Variants in DOCK4 observed in about 807,000 individuals in gnomAD.
DOCK4 encodes the protein dedicator of cytokinesis protein 4.
In DOCK4, 97 loss-of-function variants were observed where a neutral mutation model predicts 268.1. The ratio of observed to expected loss-of-function variants is 0.36; its 90% CI spans 0.31 to 0.43. The LOEUF (loss-of-function observed/expected upper bound fraction) is 0.43. DOCK4 is among the 20% of genes least tolerant of loss of function. The pLI is 1.00. For synonymous variants in DOCK4, 954 were observed against 887.2 expected, an observed-to-expected ratio of 1.08 and a Z score of -1.34; for missense variants, 2,145 against 2,455.7, an observed-to-expected ratio of 0.87 and a Z score of 2.67.
intron 1 of DOCK4, among the ~76,000 whole-genome samples, chr7:112,024,661 C>T (rs1488362771): frequency 6.6e-6 from 1 of 152,140 alleles, no homozygotes; most frequent in African/African-American, 2.4e-5. Flanking sequence ...TAAAGCTCTT[C>T]CTGCTTCAGA....
intron 8 of DOCK4, among the ~76,000 whole-genome samples, chr7:111,956,131 A>G (rs1292222678): frequency 6.6e-6 from 1 of 152,186 alleles, no homozygotes; most frequent in Non-Finnish European, 1.5e-5. Context: ...TGATCATTGT[A>G]AACACTGTAT....
At chr7:111,742,885 G>A (rs888214789) in intron 44 of DOCK4, among the ~76,000 whole-genome samples, 15 of 151,940 alleles carry the variant, frequency 9.9e-5, no homozygotes, top group Admixed American at 9.8e-4. Flanking sequence ...CCAACTACTC[G>A]AGTGGCTGAG....
At chr7:111,910,523 A>G (rs1315072331) in intron 13 of DOCK4, among the ~76,000 whole-genome samples, 1 of 152,250 alleles carries the variant, frequency 6.6e-6, no homozygotes, top group Non-Finnish European at 1.5e-5. Flanking sequence ...AGTTTTTCAT[A>G]TGGATCTCCT....
At chr7:112,084,781 T>G (rs1051540790) in intron 1 of DOCK4, among the ~76,000 whole-genome samples, 13 of 152,126 alleles carry the variant, frequency 8.5e-5, no homozygotes, top group Admixed American at 1.3e-4. Context: ...GTGACATGAC[T>G]TGTTACCATT....
chr7:111,985,334 CCA>C (rs1051678871), intron 6 of DOCK4, among the ~76,000 whole-genome samples: 6 of 152,166 alleles, frequency 3.9e-5, no homozygotes, highest in Admixed American at 1.3e-4. Flanking sequence ...GCCCCCTCAA[CCA>C]CCACATCCAA....
At position 111,869,664 on chromosome 7, in the gene DOCK4, C is replaced by T. The variant is rs1426413878; in HGVS notation, c.2028-9G>A. 5 of 1,611,796 alleles carry T rather than the reference C, an allele frequency of 3.1e-6. No individual in the cohort carries two copies. The highest frequency in any genetic ancestry group is 4.2e-6 in the Non-Finnish European group (5 of 1,178,318). On this transcript the variant is annotated splice_polypyrimidine_tract_variant and intron_variant, in intron 20 of 52. Transcript: ENST00000428084. Reference sequence around the variant, plus strand: ...GCACTTTGATGAGATCTCTAAAATACAGGGGAAAATGTGCAGAATGTAAAA... The same window carrying T: ...GCACTTTGATGAGATCTCTAAAATATAGGGGAAAATGTGCAGAATGTAAAA...
intron 23 of DOCK4, among the ~76,000 whole-genome samples, chr7:111,861,565 G>T (rs1489309521): frequency 1.3e-5 from 2 of 151,752 alleles, no homozygotes; most frequent in African/African-American, 4.8e-5. Context: ...TGGCCAACAT[G>T]GTGAAACCCC....
At chr7:111,945,676 C>G (rs1486476956) in intron 9 of DOCK4, 41 bp downstream of exon 9, 1 of 1,473,366 alleles carries the variant, frequency 6.8e-7, no homozygotes, top group Non-Finnish European at 9.3e-7. Context: ...TGAATCATAA[C>G]TGGATGAATC....
chr7:112,096,630 A>G (rs1208589857), intron 1 of DOCK4, among the ~76,000 whole-genome samples: 1 of 152,226 alleles, frequency 6.6e-6, no homozygotes, highest in Non-Finnish European at 1.5e-5. Flanking sequence ...AGTACTCAAT[A>G]AATATTTCAT....
intron 27 of DOCK4, chr7:111,821,393 A>G (rs1801968192): frequency 6.6e-6 from 1 of 152,184 alleles, no homozygotes; most frequent in Non-Finnish European, 1.5e-5. Context: ...AATGCTAATG[A>G]AATAGGGTAA....
At chr7:111,867,239 T>G (rs2134208289) in intron 22 of DOCK4, among the ~76,000 whole-genome samples, 1 of 152,304 alleles carries the variant, frequency 6.6e-6, no homozygotes, top group Non-Finnish European at 1.5e-5. Flanking sequence ...TCTCCTAATC[T>G]CCCTTTTTAT....
rs777065279 is a variant in DOCK4 at position 112,187,672 on chromosome 7, A to G, written c.37+18430T>C. On this transcript the variant is annotated intron_variant, in intron 1 of 52. Coordinates refer to ENST00000428084, the MANE Select transcript of DOCK4 (RefSeq NM_001363540.2). ...AATAAGAATGTCATGCCATGATGAC[A>G]TTCTGCCTTGTGTCACAATGATTAA... Among the ~76,000 whole-genome samples, 116 of 152,328 alleles carry G rather than the reference A, an allele frequency of 7.6e-4. 1 individual carries two copies. Among genetic ancestry groups the G allele is most frequent in the Non-Finnish European group, 1.4e-3 (93 of 68,012 alleles).
chr7:111,939,008 T>C (rs1028623320), intron 11 of DOCK4, among the ~76,000 whole-genome samples: 2 of 147,708 alleles, frequency 1.4e-5, no homozygotes, highest in African/African-American at 5.0e-5. Flanking sequence ...GGGTGGGGGA[T>C]TGGACCCAGA....
At position 111,763,619 on chromosome 7, in the gene DOCK4, C is replaced by G. The variant is rs144023555; in HGVS notation, c.4020+1499G>C. 2.9e-3 allele frequency among the ~76,000 whole-genome samples: 438 copies of G among 152,072 alleles called. 1 individual carries two copies. The highest frequency in any genetic ancestry group is 1.0e-2 in the African/African-American group (413 of 41,486). On this transcript the variant is annotated intron_variant, in intron 39 of 52. Transcript: ENST00000428084. ...TATAATCTTTCAGACATGACTCTGC[C>G]AACAATGTCATGTCTGTTTGTGCCA...
At chr7:111,847,574 G>C (rs1804214278) in intron 23 of DOCK4, among the ~76,000 whole-genome samples, 1 of 151,960 alleles carries the variant, frequency 6.6e-6, no homozygotes, top group Admixed American at 6.5e-5. Context: ...GGAGGGACTT[G>C]GTGGGAGATA....
At position 111,868,046 on chromosome 7, in the gene DOCK4, T is replaced by G. The variant is rs778990189; in HGVS notation, c.2218A>C (p.Met740Leu). 6.2e-7 allele frequency: 1 copy of G among 1,613,542 alleles called. No individual in the cohort carries two copies. The highest frequency in any genetic ancestry group is 8.5e-7 in the Non-Finnish European group (1 of 1,179,658). The change falls in exon 22 of 53, where the codon ATG becomes CTG. Residue 740 changes from methionine (M) to leucine (L), a missense_variant. Met to Leu is a conservative substitution (Grantham distance 15). Coordinates refer to ENST00000428084, the MANE Select transcript of DOCK4 (RefSeq NM_001363540.2). Reference sequence around the variant, plus strand: ...TGCGAAAGAAAGAAACGGACTGACATGAGAAGCTCCTGAATGCAGCAGCGG... The same window carrying G: ...TGCGAAAGAAAGAAACGGACTGACAGGAGAAGCTCCTGAATGCAGCAGCGG... Reference protein sequence around the residue: ...EFRCCIQELLMSVRFFLSQES... With the variant: ...EFRCCIQELLLSVRFFLSQES...
chr7:111,758,938 G>A (rs932179157), intron 40 of DOCK4, 148 bp from the exon 41 acceptor site: 23 of 709,052 alleles, frequency 3.2e-5, no homozygotes, highest in Admixed American at 2.1e-4. Context: ...CCAAGAAGAC[G>A]CCAGGAACTC....
At chr7:112,114,092 A>G (rs11761425) in intron 1 of DOCK4, among the ~76,000 whole-genome samples, 49,697 of 151,850 alleles carry the variant, frequency 0.33, 8,142 homozygotes, top group East Asian at 0.36. Context: ...ACCATCCCCA[A>G]TGCAGGGGCC....
intron 8 of DOCK4, 22 bp downstream of exon 8, chr7:111,977,110 C>T: frequency 6.2e-7 from 1 of 1,612,024 alleles, no homozygotes; most frequent in Non-Finnish European, 8.5e-7. Context: ...GACATTGAAA[C>T]CCTATCTCCA....
Sources: gnomAD v4.1 joint callset for allele counts (sites outside exome capture counted in the v4.1 genomes callset) on GRCh38, gnomAD v4.1.1 for gene constraint, MANE v1.5 for transcripts, NCBI Gene and HGNC (gene_info 2026-07-23, HGNC 2026-07-21) for gene names.